ATP6V1A: variants seen among roughly 807,000 people sequenced by gnomAD.
ATP6V1A encodes the protein ATPase H+ transporting V1 subunit A.
In ATP6V1A, 18 loss-of-function variants were observed where a neutral mutation model predicts 70.1. That is an observed-to-expected ratio of 0.26 (90% CI 0.18 to 0.38). The LOEUF is 0.38. Among genes scored for constraint, ATP6V1A ranks in the 10% least tolerant of loss-of-function variants. The pLI, the probability that ATP6V1A is intolerant of heterozygous loss-of-function variation, is 1.00. For synonymous variants in ATP6V1A, 232 were observed against 253.8 expected (o/e 0.91, Z 0.82); for missense variants, 424 against 772.4 (o/e 0.55, Z 5.35).
chr3:113,782,164 A>G lies in ATP6V1A; in HGVS notation c.211+986A>G, dbSNP rs755201832. ...GCCATTCTAAAACACATGCGTGCAG[A>G]TAACTAGTCTCTTTATAGTACTAGG... On this transcript the variant is annotated intron_variant, in intron 3 of 14. Coordinates refer to ENST00000273398, the MANE Select transcript of ATP6V1A (RefSeq NM_001690.4). 2.1e-4 allele frequency among the ~76,000 whole-genome samples: 32 copies of G among 152,334 alleles called. 1 individual carries two copies. Among genetic ancestry groups the G allele is most frequent in the Middle Eastern group, 6.8e-3 (2 of 294 alleles).
chr3:113,772,852 C>T (rs547885494), intron 1 of ATP6V1A, among the ~76,000 whole-genome samples: 3 of 150,778 alleles, frequency 2.0e-5, no homozygotes, highest in Non-Finnish European at 4.4e-5. Context: ...AACCACCTCT[C>T]TGTATAAACA....
intron 7 of ATP6V1A, 68 bp from the exon 8 acceptor site, chr3:113,789,664 G>T: frequency 8.1e-6 from 9 of 1,117,300 alleles, no homozygotes; most frequent in South Asian, 1.4e-5. Flanking sequence ...AAAAAAAAAA[G>T]AAAAATAGGG....
chr3:113,786,165 A>T, intron 5 of ATP6V1A, 67 bp from the exon 6 acceptor site: 1 of 1,442,978 alleles, frequency 6.9e-7, no homozygotes, highest in Non-Finnish European at 9.5e-7. Context: ...GAATCGGGTT[A>T]CTTTGATTTT....
chr3:113,759,386 C>G (rs1708677764), intron 1 of ATP6V1A, among the ~76,000 whole-genome samples: 1 of 147,202 alleles, frequency 6.8e-6, no homozygotes, highest in Non-Finnish European at 1.5e-5. Context: ...GCACTTTTGT[C>G]AAAAGCCAGT....
In ATP6V1A at chr3:113,809,616, T is replaced by G. The variant is rs1274035327; in HGVS notation, c.*189T>G. On this transcript the variant is annotated 3_prime_UTR_variant, in exon 15 of 15. Coordinates refer to ENST00000273398, the MANE Select transcript of ATP6V1A (RefSeq NM_001690.4). ...TAAAACAAACATTCCTTTGTTCTAG[T>G]GTTGTGAAGGGCCTCCCTCTTCCTT... 2.0e-6 allele frequency: 1 copy of G among 488,838 alleles called. No homozygotes were observed. The highest frequency in any genetic ancestry group is 3.8e-6 in the Non-Finnish European group (1 of 265,792). 30.3% of individuals were successfully genotyped at this position (488,838 alleles called of 1,614,324 possible). A position where few individuals can be genotyped will look rare whatever the true frequency, so the allele number is the denominator to read the frequency against.
intron 14 of ATP6V1A, among the ~76,000 whole-genome samples, chr3:113,805,735 A>G (rs904093948): frequency 6.6e-6 from 1 of 152,002 alleles, no homozygotes; most frequent in Non-Finnish European, 1.5e-5. Context: ...CGCCCAGCTA[A>G]TTTTTGGATT....
In ATP6V1A at chr3:113,811,069, AAC is replaced by A. The variant is rs1295985169; in HGVS notation, c.*1644_*1645del. The A allele has an allele frequency of 6.6e-5, 10 of 152,360 alleles. No individual in the cohort carries two copies. Among genetic ancestry groups the A allele is most frequent in the African/African-American group, 2.4e-4 (10 of 41,592 alleles). 9.4% of individuals were successfully genotyped at this position (152,360 alleles called of 1,614,324 possible). On this transcript the variant is annotated 3_prime_UTR_variant, in exon 15 of 15. Coordinates refer to ENST00000273398, the MANE Select transcript of ATP6V1A (RefSeq NM_001690.4). ...CATATTGCAGAACAGCTCTGAGAGC[AAC>A]AGTTTCCCATTAACTCTTTCTGACC...
At chr3:113,774,289 C>T (rs1349914888) in intron 1 of ATP6V1A, among the ~76,000 whole-genome samples, 1 of 152,058 alleles carries the variant, frequency 6.6e-6, no homozygotes, top group Non-Finnish European at 1.5e-5. Context: ...AATCACTGGA[C>T]ACTTTAGAAA....
chr3:113,798,328 G>C lies in ATP6V1A; in HGVS notation c.1376G>C (p.Arg459Pro). The change falls in exon 12 of 15, where the codon CGT (arginine) becomes CCT (proline). Residue 459 changes from arginine (R) to proline (P), a missense_variant. Coordinates refer to ENST00000273398, the MANE Select transcript of ATP6V1A (RefSeq NM_001690.4). Reference protein sequence around the residue: ...NWLISYSKYMRALDEYYDKHF... With the variant: ...NWLISYSKYMPALDEYYDKHF... ...CTCATCAGCTACAGCAAGTATATGC[G>C]TGCCTTGGATGAATACTATGACAAA... The C allele has an allele frequency of 6.2e-7, 1 of 1,613,874 alleles. No individual in the cohort carries two copies. The highest frequency in any genetic ancestry group is 1.1e-5 in the South Asian group (1 of 91,080).
chr3:113,784,655 C>T (rs1188630347), intron 4 of ATP6V1A, 41 bp from the exon 5 acceptor site: 25 of 1,604,032 alleles, frequency 1.6e-5, no homozygotes, highest in Non-Finnish European at 2.0e-5. Context: ...GTCTACTTGA[C>T]ATTTATTTGC....
At chr3:113,771,716 C>T (rs1016199821) in intron 1 of ATP6V1A, among the ~76,000 whole-genome samples, 1 of 152,124 alleles carries the variant, frequency 6.6e-6, no homozygotes, top group African/African-American at 2.4e-5. Flanking sequence ...GGATTACAGG[C>T]ATGACCCACC....
chr3:113,762,553 A>G (rs1708717221), intron 1 of ATP6V1A, among the ~76,000 whole-genome samples: 2 of 151,956 alleles, frequency 1.3e-5, no homozygotes, highest in African/African-American at 2.4e-5. Context: ...AGGCAACAAG[A>G]GCAAAACTCC....
intron 11 of ATP6V1A, among the ~76,000 whole-genome samples, 176 bp downstream of exon 11, chr3:113,796,115 G>GT (rs1709151276): frequency 6.6e-6 from 1 of 152,056 alleles, no homozygotes; most frequent in East Asian, 1.9e-4. Flanking sequence ...AATACTGTCT[G>GT]TTTTTTTCTT....
chr3:113,803,178 T>G (rs1709235027), intron 12 of ATP6V1A: 1 of 163,306 alleles, frequency 6.1e-6, no homozygotes, highest in Non-Finnish European at 1.3e-5. Flanking sequence ...GGACAAACAC[T>G]GTATGATTTC....
intron 6 of ATP6V1A, among the ~76,000 whole-genome samples, chr3:113,786,733 A>G (rs1000503247): frequency 2.0e-5 from 3 of 152,044 alleles, no homozygotes; most frequent in Non-Finnish European, 4.4e-5. Context: ...TTTCTGAAGA[A>G]AATCTGTACC....
chr3:113,802,211 A>G (rs1709221109), intron 12 of ATP6V1A, among the ~76,000 whole-genome samples: 1 of 151,798 alleles, frequency 6.6e-6, no homozygotes, highest in Non-Finnish European at 1.5e-5. Context: ...ATGTTTTTAA[A>G]ATTCAACTAT....
intron 1 of ATP6V1A, among the ~76,000 whole-genome samples, chr3:113,776,603 G>T (rs2108023898): frequency 6.6e-6 from 1 of 152,284 alleles, no homozygotes; most frequent in South Asian, 2.1e-4. Flanking sequence ...CGTATTTCCA[G>T]AGCTTCTTCG....
At chr3:113,747,607 T>G (rs1003563166) in intron 1 of ATP6V1A, among the ~76,000 whole-genome samples, 28 of 152,152 alleles carry the variant, frequency 1.8e-4, no homozygotes, top group Non-Finnish European at 3.4e-4. Flanking sequence ...ACTGTGAAGC[T>G]TCCCTCCGAA....
At chr3:113,749,263 TCACACACA>T (rs58516178) in intron 1 of ATP6V1A, among the ~76,000 whole-genome samples, 1,573 of 141,236 alleles carry the variant, frequency 0.011, 23 homozygotes, top group African/African-American at 0.033. Flanking sequence ...TATACACAGA[TCACACACA>T]CACACACACA....
Sources: gnomAD v4.1 joint callset for allele counts (sites outside exome capture counted in the v4.1 genomes callset) on GRCh38, gnomAD v4.1.1 for gene constraint, MANE v1.5 for transcripts, NCBI Gene and HGNC (gene_info 2026-07-23, HGNC 2026-07-21) for gene names.